Variants in CD46 observed in about 807,000 individuals in gnomAD.
The protein encoded by CD46 is membrane cofactor protein.
A neutral mutation model predicts 53.3 loss-of-function variants in CD46; 30 were observed. The observed-to-expected ratio is 0.56, with a 90% confidence interval of 0.42 to 0.76. CD46 has a LOEUF of 0.76. Among genes scored for constraint, CD46 ranks in the 30% least tolerant of loss-of-function variants. The pLI, the probability that CD46 is intolerant of heterozygous loss-of-function variation, is 0.00. For synonymous variants in CD46, 142 were observed against 152.0 expected, an observed-to-expected ratio of 0.93 and a Z score of 0.48; for missense variants, 409 against 463.0, an observed-to-expected ratio of 0.88 and a Z score of 1.07.
At chr1:207,792,442 A>C (rs1437504592) in intron 12 of CD46, among the ~76,000 whole-genome samples, 1 of 152,206 alleles carries the variant, frequency 6.6e-6, no homozygotes, top group Non-Finnish European at 1.5e-5. Context: ...CCTCCCCGGC[A>C]AAGAAGAACC....
intron 8 of CD46, among the ~76,000 whole-genome samples, chr1:207,778,853 T>C (rs1658413340): frequency 6.6e-6 from 1 of 152,238 alleles, no homozygotes; most frequent in Non-Finnish European, 1.5e-5. Context: ...GGAATAGCAT[T>C]GAATCTGTAA....
At chr1:207,757,473 A>G in intron 2 of CD46, 67 bp from the exon 3 acceptor site, 1 of 1,052,968 alleles carries the variant, frequency 9.5e-7, no homozygotes, top group South Asian at 1.3e-5. Flanking sequence ...AGCACTGCAG[A>G]ATTTTGATTT....
chr1:207,785,014 A>G (rs936183358), intron 9 of CD46, 57 bp from the exon 10 acceptor site: 21 of 1,436,304 alleles, frequency 1.5e-5, no homozygotes, highest in Non-Finnish European at 2.0e-5. Flanking sequence ...TCTGATTGAA[A>G]TAAATGCTAT....
Position 207,752,131 on chromosome 1 carries a change from C to A in CD46, c.-82C>A. The A allele has an allele frequency of 7.8e-7, 1 of 1,275,798 alleles. No individual in the cohort carries two copies. Among genetic ancestry groups the A allele is most frequent in the Non-Finnish European group, 1.1e-6 (1 of 880,752 alleles). 79.0% of individuals were successfully genotyped at this position (1,275,798 alleles called of 1,614,324 possible). ...GGGATTGTTGCGTCCCATATCTGGA[C>A]CCAGAAGGGACTTCCCTGCTCGGCT... is the stretch of plus-strand genomic sequence containing the variant. On this transcript the variant is annotated 5_prime_UTR_variant, in exon 1 of 13. Coordinates refer to ENST00000367042, the MANE Select transcript of CD46 (RefSeq NM_172351.3). This position sits in a 1 kb window ranked among gnomAD's most constrained non-coding sequence, Gnocchi z 4.1.
chr1:207,792,426 T>C (rs1022132617), intron 12 of CD46, among the ~76,000 whole-genome samples: 3 of 152,198 alleles, frequency 2.0e-5, no homozygotes, highest in Non-Finnish European at 4.4e-5. Context: ...AGAACCATAA[T>C]GATGGCCTCC....
At chr1:207,770,487 T>G (rs1039242848) in intron 8 of CD46, 125 bp downstream of exon 8, 2 of 702,152 alleles carry the variant, frequency 2.8e-6, no homozygotes, top group Non-Finnish European at 5.1e-6. Flanking sequence ...GTGTGCCATG[T>G]TGGTTTGCTG....
At chr1:207,778,672 T>C (rs187640186) in intron 8 of CD46, among the ~76,000 whole-genome samples, 5 of 152,366 alleles carry the variant, frequency 3.3e-5, no homozygotes, top group Non-Finnish European at 5.9e-5. Flanking sequence ...AGTACCATGC[T>C]GTTTTGGTTA....
At chr1:207,761,909 A>G (rs2102565118) in intron 5 of CD46, among the ~76,000 whole-genome samples, 2 of 152,324 alleles carry the variant, frequency 1.3e-5, no homozygotes, top group East Asian at 3.9e-4. Context: ...GACCAAAAGT[A>G]TGAAGACCAT....
intron 6 of CD46, 30 bp downstream of exon 6, chr1:207,767,225 T>A: frequency 6.4e-7 from 1 of 1,569,808 alleles, no homozygotes; most frequent in East Asian, 2.2e-5. Context: ...TCTGTCTTGG[T>A]TTGTTATTGT....
intron 1 of CD46, among the ~76,000 whole-genome samples, chr1:207,755,470 C>T (rs1655425154): frequency 6.6e-6 from 1 of 152,220 alleles, no homozygotes; most frequent in African/African-American, 2.4e-5. Context: ...GCATGGGAGA[C>T]CTGCCCTCTC....
chr1:207,752,826 A>G lies in CD46; in HGVS notation c.97+517A>G, dbSNP rs1206640993. Among the ~76,000 whole-genome samples, 1 of 152,068 alleles carries G rather than the reference A, an allele frequency of 6.6e-6. No homozygotes were observed. Among genetic ancestry groups the G allele is most frequent in the Admixed American group, 6.5e-5 (1 of 15,268 alleles). ...GGGCTGGGCGAGCAGGGGCCTGGCC[A>G]GGTGTTGCTGGGAGCGTGCTGTGCG... On this transcript the variant is annotated intron_variant, in intron 1 of 12. Transcript: ENST00000367042. The surrounding 1 kb of genome is among the most constrained non-coding windows in gnomAD (Gnocchi z 4.1).
rs150978777 is a variant in CD46, at chr1:207,776,511, A to T, written c.943+6149A>T. ...TGGACAAGATTTTTTTTTACTTAAA[A>T]TTTTTTTAAATTAAAAACTTAAGAC... On this transcript the variant is annotated intron_variant, in intron 8 of 12. Transcript: ENST00000367042. Among the ~76,000 whole-genome samples the T allele has an allele frequency of 2.0e-5, 3 of 152,340 alleles. No individual in the cohort carries two copies. The East Asian group carries it at 5.8e-4, about 29-fold the overall frequency.
chr1:207,784,595 A>C (rs965110059), intron 9 of CD46, among the ~76,000 whole-genome samples: 1 of 152,106 alleles, frequency 6.6e-6, no homozygotes, highest in African/African-American at 2.4e-5. Context: ...CTATATAAAA[A>C]ATTTTTTTTT....
intron 11 of CD46, among the ~76,000 whole-genome samples, chr1:207,789,467 T>A (rs1259693861): frequency 2.0e-5 from 3 of 152,166 alleles, no homozygotes; most frequent in African/African-American, 7.2e-5. Context: ...TCTTGAGCAT[T>A]TAACCCTTCA....
At chr1:207,758,136 C>G (rs1655773964) in intron 3 of CD46, among the ~76,000 whole-genome samples, 1 of 152,160 alleles carries the variant, frequency 6.6e-6, no homozygotes, top group South Asian at 2.1e-4. Flanking sequence ...TGAAGCATCT[C>G]AAGAGCAGGT....
rs1660009048 is a variant in CD46 at position 207,793,666 on chromosome 1, TTCACTC to T, written c.*193_*198del. 8.0e-7 allele frequency: 1 copy of T among 1,246,758 alleles called. No homozygotes were observed. The highest frequency in any genetic ancestry group is 1.2e-6 in the Non-Finnish European group (1 of 850,192). The allele number at this position is 1,246,758 out of a possible 1,614,324, so 77.2% of individuals were successfully genotyped here. ...TCTTCAATAGTTGTTATTCTGTAGT[TTCACTC>T]TCATGAGTGCAACTGTGGCTTAGCT... On this transcript the variant is annotated 3_prime_UTR_variant, in exon 13 of 13. Transcript: ENST00000367042.
chr1:207,758,568 G>A (rs1891423), intron 3 of CD46, among the ~76,000 whole-genome samples: 107,005 of 152,060 alleles, frequency 0.7, 38,065 homozygotes, highest in East Asian at 0.91. Context: ...TAATGACCTA[G>A]TCATTTCTTA....
intron 11 of CD46, among the ~76,000 whole-genome samples, chr1:207,787,133 G>A (rs781239041): frequency 4.3e-4 from 65 of 152,142 alleles, no homozygotes; most frequent in Middle Eastern, 6.8e-3. Context: ...GTGCAATGGC[G>A]CAATCTTGGC....
intron 5 of CD46, among the ~76,000 whole-genome samples, chr1:207,764,407 G>A (rs546853578): frequency 6.6e-6 from 1 of 152,236 alleles, no homozygotes; most frequent in African/African-American, 2.4e-5. Context: ...AGTCCTTGAC[G>A]GCCCTGCCTC....
Sources: gnomAD v4.1 joint callset for allele counts (sites outside exome capture counted in the v4.1 genomes callset) on GRCh38, gnomAD v4.1.1 for gene constraint, Gnocchi (gnomAD v3.1) non-coding constraint, MANE v1.5 for transcripts, NCBI Gene and HGNC (gene_info 2026-07-23, HGNC 2026-07-21) for gene names.